EBF1: variants seen among roughly 807,000 people sequenced by gnomAD.
EBF1 encodes transcription factor COE1.
In EBF1, 10 loss-of-function variants were observed where a neutral mutation model predicts 68.4. The ratio of observed to expected loss-of-function variants is 0.15; its 90% CI spans 0.09 to 0.25. The LOEUF (loss-of-function observed/expected upper bound fraction) is 0.25. Ranked by LOEUF, EBF1 falls within the 10% of genes least tolerant of loss-of-function variation. The pLI is 1.00. For missense variants in EBF1, 509 were observed against 794.4 expected (o/e 0.64, Z 4.32); for synonymous variants, 298 against 299.8 (o/e 0.99, Z 0.06).
chr5:159,035,291 A>G (rs1240382284), intron 6 of EBF1, among the ~76,000 whole-genome samples: 2 of 152,182 alleles, frequency 1.3e-5, no homozygotes, highest in Non-Finnish European at 2.9e-5. Context: ...ACTTCTGCTA[A>G]ATGGAACATT....
chr5:159,090,212 A>T (rs1479630963), intron 4 of EBF1, among the ~76,000 whole-genome samples: 10 of 150,620 alleles, frequency 6.6e-5, no homozygotes, highest in Non-Finnish European at 1.5e-4. Context: ...TAATCATTAC[A>T]TTCAACCACC....
intron 6 of EBF1, among the ~76,000 whole-genome samples, chr5:159,040,347 A>G (rs1350778574): frequency 1.3e-5 from 2 of 152,204 alleles, no homozygotes; most frequent in Non-Finnish European, 2.9e-5. Context: ...TCTACTTTAC[A>G]TCCATTGAGG....
At chr5:159,068,551 C>G (rs1350642630) in intron 6 of EBF1, among the ~76,000 whole-genome samples, 2 of 152,118 alleles carry the variant, frequency 1.3e-5, no homozygotes, top group Non-Finnish European at 2.9e-5. Flanking sequence ...CTGCACTTTT[C>G]TGAAAAGTCT....
chr5:158,919,519 TTGAGAA>T (rs1807938619), intron 6 of EBF1, among the ~76,000 whole-genome samples: 1 of 152,098 alleles, frequency 6.6e-6, no homozygotes, highest in African/African-American at 2.4e-5. Context: ...CCCTTCAACT[TTGAGAA>T]TGAGAAGTTA....
chr5:159,034,045 T>C (rs962663848), intron 6 of EBF1, among the ~76,000 whole-genome samples: 4 of 152,192 alleles, frequency 2.6e-5, no homozygotes, highest in Non-Finnish European at 5.9e-5. Context: ...CTATATTTCA[T>C]TGGCATCCAT....
At chr5:158,824,869 C>T (rs1785700498) in intron 7 of EBF1, among the ~76,000 whole-genome samples, 1 of 152,204 alleles carries the variant, frequency 6.6e-6, no homozygotes, top group African/African-American at 2.4e-5. Context: ...ATTTCCTTTC[C>T]CAGAGCCTCA....
chr5:158,777,288 GAAGA>G (rs1581789729), intron 10 of EBF1, 121 bp downstream of exon 10: 1 of 1,141,900 alleles, frequency 8.8e-7, no homozygotes, highest in Non-Finnish European at 1.2e-6. Context: ...ATGGTAAAAT[GAAGA>G]AAGAAAGCAG....
At chr5:158,931,230 G>A (rs1483350678) in intron 6 of EBF1, among the ~76,000 whole-genome samples, 1 of 152,148 alleles carries the variant, frequency 6.6e-6, no homozygotes, top group Non-Finnish European at 1.5e-5. Context: ...ACTTAAAGCG[G>A]TCACTATTTT....
chr5:158,939,337 T>C (rs763407235), intron 6 of EBF1, among the ~76,000 whole-genome samples: 12 of 152,176 alleles, frequency 7.9e-5, no homozygotes, highest in Non-Finnish European at 1.3e-4. Context: ...CATGGACACA[T>C]GCTATGGAAA....
intron 11 of EBF1, among the ~76,000 whole-genome samples, chr5:158,720,183 A>C (rs1025653992): frequency 3.3e-5 from 5 of 152,008 alleles, no homozygotes; most frequent in African/African-American, 4.8e-5. Context: ...TCCTTCGTAT[A>C]GGGTTTACTG....
At chr5:158,761,453 T>G (rs1344494937) in intron 10 of EBF1, among the ~76,000 whole-genome samples, 1 of 152,216 alleles carries the variant, frequency 6.6e-6, no homozygotes, top group Non-Finnish European at 1.5e-5. Flanking sequence ...TGAAATAATG[T>G]GTGTTATTTG....
intron 7 of EBF1, among the ~76,000 whole-genome samples, chr5:158,824,193 G>C (rs1052791846): frequency 1.7e-4 from 26 of 152,272 alleles, no homozygotes. Context: ...GTCTGTAATT[G>C]CAGCTTCAGC....
chr5:158,891,202 C>G (rs891320271), intron 6 of EBF1, among the ~76,000 whole-genome samples: 2 of 152,180 alleles, frequency 1.3e-5, no homozygotes, highest in Admixed American at 6.6e-5. Flanking sequence ...TTTTAAAACC[C>G]TATGTCTCTC....
chr5:158,734,238 T>C (rs1458406743), intron 10 of EBF1, among the ~76,000 whole-genome samples: 5 of 152,230 alleles, frequency 3.3e-5, no homozygotes, highest in Non-Finnish European at 7.3e-5. Flanking sequence ...TTCTTTTTGC[T>C]GTGAATTTTC....
chr5:158,895,565 G>A (rs1802011334), intron 6 of EBF1, among the ~76,000 whole-genome samples: 1 of 152,166 alleles, frequency 6.6e-6, no homozygotes, highest in South Asian at 2.1e-4. Context: ...GGGCCAGAAA[G>A]AAGGAAAGTC....
chr5:158,872,262 T>A (rs1202110606), intron 6 of EBF1, among the ~76,000 whole-genome samples: 1 of 151,928 alleles, frequency 6.6e-6, no homozygotes, highest in African/African-American at 2.4e-5. Flanking sequence ...AGCGGCATGA[T>A]CTCAGCTCAC....
At chr5:158,751,210 T>G (rs1768813623) in intron 10 of EBF1, among the ~76,000 whole-genome samples, 1 of 152,142 alleles carries the variant, frequency 6.6e-6, no homozygotes. Context: ...TTGAACTCCT[T>G]AAATTCTATC....
intron 10 of EBF1, among the ~76,000 whole-genome samples, chr5:158,761,751 G>T (rs1581665331): frequency 6.6e-6 from 1 of 152,264 alleles, no homozygotes; most frequent in East Asian, 1.9e-4. Context: ...GACATCCCAG[G>T]ATTCACAAAC....
At chr5:158,925,696 GCACCATCTC>G (rs761933216) in intron 6 of EBF1, among the ~76,000 whole-genome samples, 3 of 152,178 alleles carry the variant, frequency 2.0e-5, no homozygotes, top group Non-Finnish European at 4.4e-5. Context: ...ACCCCACACT[GCACCATCTC>G]CAGATTTCCT....
Sources: allele counts gnomAD v4.1 joint callset (sites outside exome capture counted in the v4.1 genomes callset), GRCh38; gene constraint gnomAD v4.1.1; transcripts MANE v1.5; gene names NCBI Gene and HGNC (gene_info 2026-07-23, HGNC 2026-07-21).